RSRC2: variants seen among roughly 807,000 people sequenced by gnomAD.
RSRC2 encodes the protein arginine and serine rich coiled-coil 2.
A neutral mutation model predicts 61.3 loss-of-function variants in RSRC2; 5 were observed. That is an observed-to-expected ratio of 0.08 (90% CI 0.04 to 0.17). The LOEUF is 0.17. Among genes scored for constraint, RSRC2 ranks in the 10% least tolerant of loss-of-function variants. The pLI, the probability that RSRC2 is intolerant of heterozygous loss-of-function variation, is 1.00. For missense variants in RSRC2, 381 were observed against 518.8 expected, an observed-to-expected ratio of 0.73 and a Z score of 2.58; for synonymous variants, 202 against 166.5, an observed-to-expected ratio of 1.21 and a Z score of -1.64.
chr12:122,512,223 T>C (rs775027323), intron 6 of RSRC2, among the ~76,000 whole-genome samples: 3 of 152,242 alleles, frequency 2.0e-5, no homozygotes, highest in African/African-American at 7.2e-5. Flanking sequence ...CCTTTCTATA[T>C]AGCAAATAAC....
chr12:122,521,574 C>CATT, intron 2 of RSRC2, 146 bp from the exon 3 acceptor site: 4 of 679,392 alleles, frequency 5.9e-6, no homozygotes, highest in Non-Finnish European at 1.0e-5. Flanking sequence ...GATTATTCTA[C>CATT]ATTAATACAA....
chr12:122,511,083 G>A, intron 7 of RSRC2, 26 bp downstream of exon 7: 3 of 1,527,092 alleles, frequency 2.0e-6, no homozygotes, highest in Non-Finnish European at 2.7e-6. Context: ...AAATCGAGAT[G>A]ACTAAAAAAG....
chr12:122,513,462 T>C (rs1272009791), intron 6 of RSRC2, among the ~76,000 whole-genome samples: 1 of 152,026 alleles, frequency 6.6e-6, no homozygotes, highest in Admixed American at 6.6e-5. Flanking sequence ...ATCTGAAAGA[T>C]CACCAAGTAA....
At position 122,505,304 on chromosome 12, in the gene RSRC2, T is replaced by C; in HGVS notation, c.*223A>G. The C allele has an allele frequency of 5.1e-6, 2 of 394,100 alleles. No homozygotes were observed. The highest frequency in any genetic ancestry group is 3.8e-5 in the East Asian group (1 of 26,522). 24.4% of individuals were successfully genotyped at this position (394,100 alleles called of 1,614,324 possible). ...AGTAGAATTCATGAACTAAAAAATA[T>C]TATCCTTCTATAGTCCTGTCAAGTT... On this transcript the variant is annotated 3_prime_UTR_variant, in exon 10 of 10. Transcript: ENST00000331738.
chr12:122,511,333 AG>A, intron 6 of RSRC2, 145 bp from the exon 7 acceptor site: 1 of 546,578 alleles, frequency 1.8e-6, no homozygotes, highest in East Asian at 3.0e-5. Context: ...CCGTATGTGA[AG>A]AAAAAGCAAT....
chr12:122,519,085 T>C (rs755126054), intron 3 of RSRC2, 56 bp from the exon 4 acceptor site: 1 of 1,450,116 alleles, frequency 6.9e-7, no homozygotes, highest in South Asian at 1.1e-5. Context: ...AGAGAGTTAG[T>C]ATGGGTATCA....
At chr12:122,507,409 A>G (rs1958182402) in intron 8 of RSRC2, among the ~76,000 whole-genome samples, 1 of 152,100 alleles carries the variant, frequency 6.6e-6, no homozygotes, top group African/African-American at 2.4e-5. Context: ...AAATAAAAAA[A>G]TGGATTATTT....
chr12:122,510,847 ATAGTCT>A (rs958525032), intron 7 of RSRC2, among the ~76,000 whole-genome samples: 1 of 152,174 alleles, frequency 6.6e-6, no homozygotes, highest in Non-Finnish European at 1.5e-5. Flanking sequence ...GAGATCAAGA[ATAGTCT>A]TGGCAACATA....
At chr12:122,506,577 T>G (rs1484885503) in intron 9 of RSRC2, 2 of 380,434 alleles carry the variant, frequency 5.3e-6, no homozygotes, top group Admixed American at 8.5e-5. Flanking sequence ...ACCACTGTAC[T>G]CCAGCCCAAG....
At chr12:122,506,600 C>T in intron 9 of RSRC2, 1 of 417,326 alleles carries the variant, frequency 2.4e-6, no homozygotes, top group Non-Finnish European at 4.3e-6. Context: ...ACAGAGCAAG[C>T]AGAGCAAAAC....
chr12:122,510,604 T>TG (rs1958433824), intron 7 of RSRC2, among the ~76,000 whole-genome samples: 1 of 152,168 alleles, frequency 6.6e-6, no homozygotes, highest in Non-Finnish European at 1.5e-5. Flanking sequence ...CAACAAAAAT[T>TG]ATCCACATGG....
chr12:122,525,055 T>A (rs547350217), intron 1 of RSRC2, among the ~76,000 whole-genome samples: 1 of 152,096 alleles, frequency 6.6e-6, no homozygotes, highest in Non-Finnish European at 1.5e-5. Flanking sequence ...ACGGCATAAA[T>A]AAATGTTTAA....
intron 9 of RSRC2, 22 bp from the exon 10 acceptor site, chr12:122,505,728 T>C (rs1222714893): frequency 6.3e-7 from 1 of 1,588,014 alleles, no homozygotes; most frequent in Non-Finnish European, 8.6e-7. Flanking sequence ...ACATAAAACA[T>C]TACAATGAAT....
intron 2 of RSRC2, 37 bp from the exon 3 acceptor site, chr12:122,521,465 A>C: frequency 1.3e-6 from 2 of 1,564,592 alleles, no homozygotes. Context: ...CCATAAACAA[A>C]GTTGGAGAAA....
chr12:122,521,505 G>A, intron 2 of RSRC2, 77 bp from the exon 3 acceptor site: 1 of 1,268,966 alleles, frequency 7.9e-7, no homozygotes, highest in Non-Finnish European at 1.1e-6. Context: ...CTTAATGCTG[G>A]AGAAAAATGA....
chr12:122,508,598 C>G, intron 7 of RSRC2, 151 bp from the exon 8 acceptor site: 1 of 638,412 alleles, frequency 1.6e-6, no homozygotes, highest in South Asian at 2.0e-5. Flanking sequence ...TATTAGCTCA[C>G]AAGTTTTTAG....
At chr12:122,515,250 T>C (rs1156932240) in intron 5 of RSRC2, 23 bp from the exon 6 acceptor site, 12 of 1,605,814 alleles carry the variant, frequency 7.5e-6, no homozygotes, top group East Asian at 2.2e-5. Context: ...GTATTTCATA[T>C]GTCAAATTAT....
chr12:122,509,841 T>C (rs1958366552), intron 7 of RSRC2, among the ~76,000 whole-genome samples: 1 of 152,108 alleles, frequency 6.6e-6, no homozygotes, highest in Non-Finnish European at 1.5e-5. Flanking sequence ...TTTGTTTTTG[T>C]TTTTTTCTTT....
intron 3 of RSRC2, chr12:122,519,557 C>A (rs1042403662): frequency 1.9e-5 from 3 of 154,282 alleles, no homozygotes; most frequent in African/African-American, 7.2e-5. Flanking sequence ...CTGCTACATC[C>A]TCTAAAAGAC....
Sources: allele counts gnomAD v4.1 joint callset (sites outside exome capture counted in the v4.1 genomes callset), GRCh38; gene constraint gnomAD v4.1.1; transcripts MANE v1.5; gene names NCBI Gene and HGNC (gene_info 2026-07-23, HGNC 2026-07-21).